MYH15: variants seen among roughly 807,000 people sequenced by gnomAD.
The protein encoded by MYH15 is myosin heavy chain 15, also known as myosin-15.
In MYH15, 227 loss-of-function variants were observed where a neutral mutation model predicts 240.5. That is an observed-to-expected ratio of 0.94 (90% CI 0.85 to 1.05). The LOEUF (loss-of-function observed/expected upper bound fraction) is 1.05. Ranked by LOEUF, MYH15 falls within the 50% of genes least tolerant of loss-of-function variation. The pLI is 0.00. For missense variants in MYH15, 2,217 were observed against 2,247.5 expected, an observed-to-expected ratio of 0.99 and a Z score of 0.27; for synonymous variants, 785 against 796.7, an observed-to-expected ratio of 0.99 and a Z score of 0.25.
chr3:108,493,261 T>C lies in MYH15; in HGVS notation c.712-84A>G, dbSNP rs927347545. 1.6e-5 allele frequency: 15 copies of C among 934,988 alleles called. No homozygotes were observed. In the Admixed American group the frequency reaches 2.5e-4, roughly 16 times the overall value. 57.9% of individuals were successfully genotyped at this position (934,988 alleles called of 1,614,324 possible). A position where few individuals can be genotyped will look rare whatever the true frequency, so the allele number is the denominator to read the frequency against. On this transcript the variant is annotated intron_variant, in intron 7 of 40. Coordinates refer to ENST00000693548, the MANE Select transcript of MYH15 (RefSeq NM_014981.3). ...AAGCACTTGCAATGGCTTCATTATA[T>C]GTAACTCTCAAAAGGACTACTTCCC...
intron 25 of MYH15, among the ~76,000 whole-genome samples, chr3:108,436,250 A>G (rs759174946): frequency 6.6e-6 from 1 of 152,220 alleles, no homozygotes; most frequent in Non-Finnish European, 1.5e-5. Context: ...TATCATTTAC[A>G]CTTTGCTGGT....
chr3:108,549,058 G>A, the MYH15 span, among the ~76,000 whole-genome samples: 37 of 151,862 alleles, frequency 2.4e-4, no homozygotes, highest in Non-Finnish European at 1.0e-4. Context: ...AAATAGTAAC[G>A]GAACTGTGTT....
chr3:108,399,025 G>GCTTC (rs1375516482), intron 34 of MYH15, 50 bp downstream of exon 34: 1 of 1,568,854 alleles, frequency 6.4e-7, no homozygotes, highest in East Asian at 2.2e-5. Context: ...GCTTCCATAA[G>GCTTC]CAGAAACATT....
At position 108,492,529 on chromosome 3, in the gene MYH15, T is replaced by G; in HGVS notation, c.842A>C (p.Gln281Pro). Residue 281 changes from glutamine to proline, a missense_variant, in exon 9 of 41, where the codon CAA becomes CCA. Coordinates refer to ENST00000693548, the MANE Select transcript of MYH15 (RefSeq NM_014981.3). Reference sequence around the variant, plus strand: ...AAGCTCTTTTTGTCCAGATAGAATTTGATAGAATATGTGGTAGTTCCTCTC... The same window carrying G: ...AAGCTCTTTTTGTCCAGATAGAATTGGATAGAATATGTGGTAGTTCCTCTC... ...AGERNYHIFY[Q>P]ILSGQKELHD... The G allele has an allele frequency of 6.2e-7, 1 of 1,613,464 alleles. No individual in the cohort carries two copies. Among genetic ancestry groups the G allele is most frequent in the Non-Finnish European group, 8.5e-7 (1 of 1,179,524 alleles).
At chr3:108,501,341 C>T (rs996006455) in intron 3 of MYH15, among the ~76,000 whole-genome samples, 1 of 152,202 alleles carries the variant, frequency 6.6e-6, no homozygotes, top group Non-Finnish European at 1.5e-5. Flanking sequence ...GAACTACGTG[C>T]TTTACCTACA....
the MYH15 span, chr3:108,543,885 T>A: frequency 2.0e-5 from 3 of 152,266 alleles, no homozygotes; most frequent in Non-Finnish European, 2.9e-5. Context: ...TAGCTGCATA[T>A]GGTTCTCCTC....
chr3:108,408,487 GCCCA>G, intron 31 of MYH15, 83 bp from the exon 32 acceptor site: 4 of 1,398,606 alleles, frequency 2.9e-6, no homozygotes, highest in Non-Finnish European at 2.9e-6. Context: ...GATTCTTCCA[GCCCA>G]CTGGAACAGT....
chr3:108,417,450 A>G (rs2082643435), intron 28 of MYH15, among the ~76,000 whole-genome samples: 1 of 152,224 alleles, frequency 6.6e-6, no homozygotes, highest in Non-Finnish European at 1.5e-5. Flanking sequence ...ATTTTTAGAT[A>G]ATTATAACTT....
intron 27 of MYH15, among the ~76,000 whole-genome samples, chr3:108,421,751 A>G (rs2082686057): frequency 1.3e-5 from 2 of 152,180 alleles, no homozygotes; most frequent in South Asian, 4.1e-4. Context: ...AGCAGGATAG[A>G]AGAAAGGGAT....
intron 7 of MYH15, among the ~76,000 whole-genome samples, 166 bp from the exon 8 acceptor site, chr3:108,493,343 A>C (rs374602517): frequency 6.6e-6 from 1 of 152,190 alleles, no homozygotes; most frequent in Non-Finnish European, 1.5e-5. Context: ...AAGAAGAGAA[A>C]AATGCAATGT....
At chr3:108,410,500 A>G (rs1396951308) in intron 31 of MYH15, 83 bp downstream of exon 31, 5 of 957,750 alleles carry the variant, frequency 5.2e-6, no homozygotes, top group South Asian at 5.0e-5. Context: ...GAATGTGAAA[A>G]TGCTGAAGAC....
chr3:108,525,988 G>C (rs910059244), intron 1 of MYH15, among the ~76,000 whole-genome samples: 3 of 152,018 alleles, frequency 2.0e-5, no homozygotes, highest in Non-Finnish European at 1.5e-5. Context: ...ATCATGTCTA[G>C]TAGTGATATG....
chr3:108,537,997 G>T, the MYH15 span, among the ~76,000 whole-genome samples: 1 of 152,116 alleles, frequency 6.6e-6, no homozygotes, highest in East Asian at 1.9e-4. Context: ...TGGTCAGTTT[G>T]TTCCTTGTGG....
intron 31 of MYH15, among the ~76,000 whole-genome samples, chr3:108,408,913 T>A (rs931845030): frequency 6.6e-6 from 1 of 152,216 alleles, no homozygotes. Flanking sequence ...AGGAAGACAG[T>A]GGCTTTAGCT....
chr3:108,403,130 C>CG (rs2082519657), intron 33 of MYH15, among the ~76,000 whole-genome samples: 6 of 152,194 alleles, frequency 3.9e-5, no homozygotes, highest in Admixed American at 2.0e-4. Context: ...ACAAGTGAAA[C>CG]ATATCACATA....
At chr3:108,432,747 G>A (rs2082789427) in intron 25 of MYH15, among the ~76,000 whole-genome samples, 1 of 152,206 alleles carries the variant, frequency 6.6e-6, no homozygotes, top group African/African-American at 2.4e-5. Context: ...CCAAGCCTTG[G>A]CAACTTCCAC....
intron 21 of MYH15, among the ~76,000 whole-genome samples, chr3:108,450,289 T>C (rs1036712927): frequency 2.0e-5 from 3 of 152,188 alleles, no homozygotes; most frequent in Non-Finnish European, 2.9e-5. Context: ...AGCCAAGATA[T>C]GGAATCAACC....
At chr3:108,546,713 C>CT in the MYH15 span, among the ~76,000 whole-genome samples, 1 of 152,102 alleles carries the variant, frequency 6.6e-6, no homozygotes, top group Non-Finnish European at 1.5e-5. Context: ...TGAAGGGATA[C>CT]TTGTAGCTCA....
At chr3:108,506,310 T>C (rs747488982) in intron 1 of MYH15, among the ~76,000 whole-genome samples, 3 of 152,154 alleles carry the variant, frequency 2.0e-5, no homozygotes, top group Non-Finnish European at 4.4e-5. Flanking sequence ...GCTAAGTGAA[T>C]TACATGGTGG....
Sources: gnomAD v4.1 joint callset for allele counts (sites outside exome capture counted in the v4.1 genomes callset) on GRCh38, gnomAD v4.1.1 for gene constraint, MANE v1.5 for transcripts, NCBI Gene and HGNC (gene_info 2026-07-23, HGNC 2026-07-21) for gene names.